RAB38: variants seen among roughly 807,000 people sequenced by gnomAD.
The protein encoded by RAB38 is ras-related protein Rab-38.
In RAB38, 15 loss-of-function variants were observed where a neutral mutation model predicts 18.4. The ratio of observed to expected loss-of-function variants is 0.82; its 90% CI spans 0.55 to 1.26. The LOEUF (loss-of-function observed/expected upper bound fraction) is 1.26. Among genes scored for constraint, RAB38 ranks in the 50% most tolerant of loss-of-function variants. RAB38 has a pLI of 0.00. For missense variants in RAB38, 294 were observed against 267.4 expected (o/e 1.10, Z -0.69); for synonymous variants, 101 against 104.4 (o/e 0.97, Z 0.20).
At chr11:88,004,940 A>G in the RAB38 span, among the ~76,000 whole-genome samples, 1 of 151,418 alleles carries the variant, frequency 6.6e-6, no homozygotes, top group Non-Finnish European at 1.5e-5. Flanking sequence ...AATGTTCAAG[A>G]GCTTTGCAGA....
intron 2 of RAB38, among the ~76,000 whole-genome samples, chr11:88,139,133 G>A (rs1308712347): frequency 6.6e-6 from 1 of 152,060 alleles, no homozygotes; most frequent in Non-Finnish European, 1.5e-5. Flanking sequence ...ACAATTTTAT[G>A]ATGACTGATA....
intron 2 of RAB38, among the ~76,000 whole-genome samples, chr11:88,128,448 G>GT (rs1591159592): frequency 1.3e-5 from 2 of 152,320 alleles, no homozygotes; most frequent in South Asian, 2.1e-4. Context: ...TTGATTAGCC[G>GT]TAAGTTACTG....
intron 2 of RAB38, among the ~76,000 whole-genome samples, chr11:88,142,418 T>A (rs1049040889): frequency 1.1e-4 from 17 of 152,242 alleles, no homozygotes; most frequent in Non-Finnish European, 2.9e-5. Context: ...GTTGCACACA[T>A]AATTTCAAGA....
At chr11:87,825,533 A>G in the RAB38 span, among the ~76,000 whole-genome samples, 1 of 152,070 alleles carries the variant, frequency 6.6e-6, no homozygotes, top group Non-Finnish European at 1.5e-5. Flanking sequence ...TTGGAAGGAA[A>G]CCAGTGCAGT....
the RAB38 span, among the ~76,000 whole-genome samples, chr11:87,883,207 A>T: frequency 6.6e-6 from 1 of 151,986 alleles, no homozygotes; most frequent in East Asian, 2.0e-4. Context: ...CTCCAAATAA[A>T]CCTCCATCCA....
the RAB38 span, among the ~76,000 whole-genome samples, chr11:87,976,650 ATAAAT>A: frequency 9.3e-6 from 1 of 107,918 alleles, no homozygotes; most frequent in Non-Finnish European, 1.7e-5. Flanking sequence ...TATATGATAT[ATAAAT>A]ATATATAATT....
chr11:87,920,244 G>T, the RAB38 span, among the ~76,000 whole-genome samples: 1 of 151,002 alleles, frequency 6.6e-6, no homozygotes, highest in Non-Finnish European at 1.5e-5. Flanking sequence ...AGCTTATTTG[G>T]GATCTTTCTT....
the RAB38 span, among the ~76,000 whole-genome samples, chr11:88,022,525 C>T: frequency 1.0e-4 from 14 of 137,466 alleles, no homozygotes; most frequent in East Asian, 4.5e-4. Context: ...AAGAAATAAA[C>T]GGCATCCAAA....
At chr11:88,073,000 A>G in the RAB38 span, among the ~76,000 whole-genome samples, 2 of 152,138 alleles carry the variant, frequency 1.3e-5, no homozygotes, top group African/African-American at 4.8e-5. Context: ...TTGGGCTTGT[A>G]TATCTGTGAT....
At chr11:87,842,346 A>G in the RAB38 span, among the ~76,000 whole-genome samples, 1 of 152,164 alleles carries the variant, frequency 6.6e-6, no homozygotes, top group Non-Finnish European at 1.5e-5. Context: ...TTTAAAATGT[A>G]TGTGCTGAGT....
At chr11:87,834,965 G>A in the RAB38 span, among the ~76,000 whole-genome samples, 2 of 152,302 alleles carry the variant, frequency 1.3e-5, no homozygotes, top group East Asian at 3.9e-4. Context: ...CTGGAAAATG[G>A]AGGAGCCAAG....
At chr11:88,047,352 C>A in the RAB38 span, among the ~76,000 whole-genome samples, 3 of 152,152 alleles carry the variant, frequency 2.0e-5, no homozygotes, top group Non-Finnish European at 4.4e-5. Context: ...TGTTCCTCAC[C>A]CTGAACACAC....
the RAB38 span, among the ~76,000 whole-genome samples, chr11:87,828,378 A>G: frequency 4.6e-5 from 7 of 152,138 alleles, no homozygotes; most frequent in Admixed American, 1.3e-4. Flanking sequence ...AAGATATTTT[A>G]AGTTTGATAC....
At chr11:88,070,312 A>G in the RAB38 span, among the ~76,000 whole-genome samples, 1 of 152,184 alleles carries the variant, frequency 6.6e-6, no homozygotes, top group Admixed American at 6.5e-5. Flanking sequence ...TCACTCCTGA[A>G]GTCAGCGAGA....
the RAB38 span, among the ~76,000 whole-genome samples, chr11:87,921,714 G>A: frequency 1.3e-5 from 2 of 151,720 alleles, no homozygotes; most frequent in Non-Finnish European, 2.9e-5. Flanking sequence ...CCAGGTCCTA[G>A]TATGTGCCTG....
intron 2 of RAB38, among the ~76,000 whole-genome samples, chr11:88,127,857 A>C (rs1942719359): frequency 1.3e-5 from 2 of 152,196 alleles, no homozygotes; most frequent in East Asian, 3.9e-4. Context: ...GGTCACACAC[A>C]TGTACAATTA....
the RAB38 span, among the ~76,000 whole-genome samples, chr11:88,048,184 G>A: frequency 3.3e-5 from 5 of 152,108 alleles, no homozygotes; most frequent in Non-Finnish European, 7.3e-5. Flanking sequence ...CCTGAGTCAG[G>A]AAACTAAAAT....
At chr11:88,017,376 C>T in the RAB38 span, among the ~76,000 whole-genome samples, 1 of 150,534 alleles carries the variant, frequency 6.6e-6, no homozygotes, top group African/African-American at 2.4e-5. Context: ...CACACACACA[C>T]ACACAAACGC....
At chr11:87,833,722 G>C in the RAB38 span, among the ~76,000 whole-genome samples, 2 of 152,168 alleles carry the variant, frequency 1.3e-5, no homozygotes, top group Non-Finnish European at 1.5e-5. Context: ...ACAGGTAGAA[G>C]AACCCAAGGA....
Sources: allele counts gnomAD v4.1 joint callset (sites outside exome capture counted in the v4.1 genomes callset), GRCh38; gene constraint gnomAD v4.1.1; transcripts MANE v1.5; gene names NCBI Gene and HGNC (gene_info 2026-07-23, HGNC 2026-07-21).